Variants in MGAT4C observed in about 807,000 individuals in gnomAD.
MGAT4C encodes the protein alpha-1,3-mannosyl-glycoprotein 4-beta-N-acetylglucosaminyltransferase C.
In MGAT4C, 19 loss-of-function variants were observed where a neutral mutation model predicts 40.1. The observed-to-expected ratio is 0.47, with a 90% CI of 0.33 to 0.70. The LOEUF is 0.70. Ranked by LOEUF, MGAT4C falls within the 30% of genes least tolerant of loss-of-function variation. MGAT4C has a pLI of 0.02. For missense variants in MGAT4C, 491 were observed against 563.2 expected (o/e 0.87, Z 1.30); for synonymous variants, 181 against 187.1 (o/e 0.97, Z 0.27).
rs1334660503 is a variant in MGAT4C, at chr12:85,972,422, G to A, written c.*6867C>T. The A allele has an allele frequency of 2.7e-5, 4 of 150,564 alleles. No homozygotes were observed. Among genetic ancestry groups the A allele is most frequent in the Non-Finnish European group, 4.5e-5 (3 of 67,118 alleles). The allele number at this position is 150,564 out of a possible 1,614,324, so 9.3% of individuals were successfully genotyped here. A position where few individuals can be genotyped will look rare whatever the true frequency, so the allele number is the denominator to read the frequency against. On this transcript the variant is annotated 3_prime_UTR_variant, in exon 5 of 5. Transcript: ENST00000611864. Reference sequence around the variant, plus strand: ...TATCAAATGCCCTTTTGAAAATTGAGACTGATTTCTAAAACAAAAAAAAAG... The same window carrying A: ...TATCAAATGCCCTTTTGAAAATTGAAACTGATTTCTAAAACAAAAAAAAAG...
At chr12:86,042,800 A>C (rs868119067) in intron 2 of MGAT4C, among the ~76,000 whole-genome samples, 15 of 149,508 alleles carry the variant, frequency 1.0e-4, no homozygotes, top group Middle Eastern at 3.3e-3. Flanking sequence ...TCCAGAAGGC[A>C]GAGCTTGCAG....
chr12:86,427,132 A>G (rs1006730494), intron 3 of MGAT4C, among the ~76,000 whole-genome samples: 7 of 152,116 alleles, frequency 4.6e-5, no homozygotes, highest in Non-Finnish European at 8.8e-5. Flanking sequence ...GCTTTGTTCT[A>G]TAAGCTTCTT....
At chr12:86,395,183 A>G (rs1195608989) in intron 3 of MGAT4C, among the ~76,000 whole-genome samples, 1 of 152,194 alleles carries the variant, frequency 6.6e-6, no homozygotes, top group African/African-American at 2.4e-5. Flanking sequence ...TAGCTAATTC[A>G]GGTAACAAAA....
chr12:86,568,230 C>A (rs1318129342), intron 2 of MGAT4C, among the ~76,000 whole-genome samples: 7 of 152,066 alleles, frequency 4.6e-5, no homozygotes, highest in African/African-American at 1.7e-4. Flanking sequence ...ATCTAATAAG[C>A]TGCCAGCTTG....
chr12:86,081,647 TA>T (rs1870854196), intron 1 of MGAT4C, among the ~76,000 whole-genome samples: 1 of 152,132 alleles, frequency 6.6e-6, no homozygotes, highest in South Asian at 2.1e-4. Context: ...GGTGACAACT[TA>T]GTGACAATTT....
chr12:86,338,270 G>C (rs1450409507), intron 3 of MGAT4C, among the ~76,000 whole-genome samples: 2 of 152,134 alleles, frequency 1.3e-5, no homozygotes, highest in African/African-American at 4.8e-5. Flanking sequence ...TTCCCGCTGA[G>C]TCAGTTCCTG....
At chr12:86,544,274 T>C (rs1303861290) in intron 2 of MGAT4C, among the ~76,000 whole-genome samples, 2 of 152,182 alleles carry the variant, frequency 1.3e-5, no homozygotes, top group African/African-American at 2.4e-5. Context: ...AATATTTTCA[T>C]GGAAGGTGAC....
At chr12:86,119,115 CA>C in intron 1 of MGAT4C, among the ~76,000 whole-genome samples, 1 of 151,772 alleles carries the variant, frequency 6.6e-6, no homozygotes, top group Admixed American at 6.6e-5. Context: ...AGTGATATGA[CA>C]AAACTTGAGA....
chr12:86,687,224 T>G (rs562882882), intron 2 of MGAT4C, among the ~76,000 whole-genome samples: 1 of 152,196 alleles, frequency 6.6e-6, no homozygotes, highest in Non-Finnish European at 1.5e-5. Context: ...TATTCTTCTT[T>G]CTTTTCTTCT....
chr12:86,398,223 G>A (rs1462714358), intron 3 of MGAT4C, among the ~76,000 whole-genome samples: 1 of 152,134 alleles, frequency 6.6e-6, no homozygotes, highest in East Asian at 1.9e-4. Flanking sequence ...AGAGGCTGTA[G>A]GGAAGAATCA....
chr12:86,179,099 G>A (rs1887814880), intron 1 of MGAT4C, among the ~76,000 whole-genome samples: 1 of 152,192 alleles, frequency 6.6e-6, no homozygotes. Context: ...GACCTAGGAG[G>A]AGGTAATTAA....
At chr12:86,195,697 TG>T (rs1302810484) in intron 1 of MGAT4C, among the ~76,000 whole-genome samples, 1 of 152,176 alleles carries the variant, frequency 6.6e-6, no homozygotes, top group South Asian at 2.1e-4. Flanking sequence ...ATATCATATA[TG>T]TATCTCTCAG....
intron 4 of MGAT4C, among the ~76,000 whole-genome samples, chr12:86,269,199 A>G (rs1437590330): frequency 6.6e-6 from 1 of 150,818 alleles, no homozygotes; most frequent in Non-Finnish European, 1.5e-5. Flanking sequence ...AAGTTGTTAT[A>G]ATTATATCTA....
At chr12:86,807,011 G>GTA (rs35425728) in intron 1 of MGAT4C, among the ~76,000 whole-genome samples, 43,460 of 149,714 alleles carry the variant, frequency 0.29, 6,712 homozygotes, top group Middle Eastern at 0.4. Context: ...AAAATAAAAA[G>GTA]TATATATATA....
intron 2 of MGAT4C, among the ~76,000 whole-genome samples, chr12:86,444,926 A>T (rs1263848981): frequency 6.6e-6 from 1 of 152,212 alleles, no homozygotes; most frequent in Non-Finnish European, 1.5e-5. Flanking sequence ...GCTAAACAAA[A>T]AAGTACATAC....
chr12:86,221,499 G>A (rs2135987882), intron 1 of MGAT4C, among the ~76,000 whole-genome samples: 1 of 152,276 alleles, frequency 6.6e-6, no homozygotes, highest in Non-Finnish European at 1.5e-5. Flanking sequence ...TCAAAACTGA[G>A]AGGCTGACCA....
At chr12:86,115,134 A>T (rs892527470) in intron 1 of MGAT4C, among the ~76,000 whole-genome samples, 1 of 152,028 alleles carries the variant, frequency 6.6e-6, no homozygotes, top group East Asian at 1.9e-4. Context: ...ACGAAGGAAG[A>T]GTGGTACATA....
At chr12:86,396,675 G>A (rs866206557) in intron 3 of MGAT4C, among the ~76,000 whole-genome samples, 1 of 152,076 alleles carries the variant, frequency 6.6e-6, no homozygotes, top group Non-Finnish European at 1.5e-5. Flanking sequence ...GTAAGATATG[G>A]GGCAGGGAGT....
At chr12:86,513,492 T>A (rs1958627877) in intron 2 of MGAT4C, among the ~76,000 whole-genome samples, 1 of 152,178 alleles carries the variant, frequency 6.6e-6, no homozygotes, top group African/African-American at 2.4e-5. Flanking sequence ...GTTTTATGGA[T>A]GCTGGCAGAA....
Sources: gnomAD v4.1 joint callset for allele counts (sites outside exome capture counted in the v4.1 genomes callset) on GRCh38, gnomAD v4.1.1 for gene constraint, MANE v1.5 for transcripts, NCBI Gene and HGNC (gene_info 2026-07-23, HGNC 2026-07-21) for gene names.